GALNT14: variants seen among roughly 807,000 people sequenced by gnomAD.
The protein encoded by GALNT14 is UDP-GalNAc:polypeptide N-acetylgalactosaminyltransferase 14.
GALNT14 carries 60 observed loss-of-function variants against 77.5 expected under a neutral mutation model. The observed-to-expected ratio is 0.77, with a 90% CI of 0.63 to 0.96. The LOEUF (loss-of-function observed/expected upper bound fraction) is 0.96, where lower values mean the gene tolerates loss of function less well. GALNT14 is among the 40% of genes least tolerant of loss of function. The pLI is 0.00. For missense variants in GALNT14, 710 were observed against 731.0 expected (o/e 0.97, Z 0.33); for synonymous variants, 280 against 281.7 (o/e 0.99, Z 0.06).
chr2:31,013,928 G>A (rs1305665776), intron 1 of GALNT14, among the ~76,000 whole-genome samples: 2 of 152,172 alleles, frequency 1.3e-5, no homozygotes, highest in African/African-American at 4.8e-5. Flanking sequence ...TAAAAATAAC[G>A]ATTGTGCAGA....
chr2:31,092,297 C>T (rs976040833), intron 1 of GALNT14, among the ~76,000 whole-genome samples: 3 of 151,440 alleles, frequency 2.0e-5, no homozygotes, highest in African/African-American at 7.3e-5. Context: ...CCTATTAGTT[C>T]TGTCCCTTTA....
intron 1 of GALNT14, among the ~76,000 whole-genome samples, chr2:31,117,129 AT>A (rs1444552109): frequency 5.9e-5 from 9 of 152,218 alleles, no homozygotes; most frequent in African/African-American, 1.9e-4. Context: ...TTGGCCATTA[AT>A]AAAAACTTAA....
intron 2 of GALNT14, among the ~76,000 whole-genome samples, chr2:30,979,243 A>G (rs1392595766): frequency 1.3e-5 from 2 of 152,216 alleles, no homozygotes; most frequent in Non-Finnish European, 2.9e-5. Context: ...TGGCAGCAAG[A>G]TATCTCAGGG....
intron 3 of GALNT14, among the ~76,000 whole-genome samples, chr2:30,959,439 C>T (rs1279284697): frequency 6.6e-6 from 1 of 152,154 alleles, no homozygotes; most frequent in East Asian, 1.9e-4. Context: ...ACTATGTGCT[C>T]AGCACTGGGC....
the GALNT14 span, among the ~76,000 whole-genome samples, chr2:30,901,591 T>G: frequency 2.0e-5 from 3 of 151,828 alleles, no homozygotes; most frequent in African/African-American, 7.3e-5. Context: ...TGTGAGTATA[T>G]ATATATGTGT....
intron 1 of GALNT14, among the ~76,000 whole-genome samples, chr2:31,076,936 A>G (rs1204685399): frequency 1.3e-5 from 2 of 152,178 alleles, no homozygotes; most frequent in Non-Finnish European, 2.9e-5. Flanking sequence ...TGCCTTGTAC[A>G]AGTGCTGAAT....
At chr2:31,014,997 G>T (rs1671263286) in intron 1 of GALNT14, among the ~76,000 whole-genome samples, 1 of 152,102 alleles carries the variant, frequency 6.6e-6, no homozygotes, top group African/African-American at 2.4e-5. Flanking sequence ...GCTTTAAAGA[G>T]GCAGGAGCTT....
At chr2:31,057,541 G>A (rs1263084117) in intron 1 of GALNT14, among the ~76,000 whole-genome samples, 3 of 151,510 alleles carry the variant, frequency 2.0e-5, no homozygotes, top group African/African-American at 7.3e-5. Context: ...CTGGCTCTAG[G>A]ACCACATGAA....
chr2:31,009,275 TC>T (rs1278902717), intron 1 of GALNT14, among the ~76,000 whole-genome samples: 2 of 152,028 alleles, frequency 1.3e-5, no homozygotes, highest in East Asian at 3.9e-4. Context: ...ACATTCATCT[TC>T]CTTGGCCCTT....
chr2:30,963,240 C>T (rs1667799521), intron 3 of GALNT14, among the ~76,000 whole-genome samples: 1 of 152,186 alleles, frequency 6.6e-6, no homozygotes, highest in African/African-American at 2.4e-5. Context: ...GGCCTCAGGG[C>T]AGCCCTCCAA....
At chr2:30,932,445 C>T (rs1665796188) in intron 9 of GALNT14, among the ~76,000 whole-genome samples, 1 of 152,182 alleles carries the variant, frequency 6.6e-6, no homozygotes. Context: ...GGAGCATATT[C>T]AGGGGCCAGC....
chr2:31,111,847 CTTGT>C (rs2148626356), intron 1 of GALNT14, among the ~76,000 whole-genome samples: 1 of 152,070 alleles, frequency 6.6e-6, no homozygotes, highest in East Asian at 1.9e-4. Context: ...TTTACTACAT[CTTGT>C]TTGCTTCTTT....
intron 2 of GALNT14, among the ~76,000 whole-genome samples, chr2:30,986,674 G>T (rs12995417): frequency 0.16 from 24,590 of 152,220 alleles, 2,245 homozygotes; most frequent in Non-Finnish European, 0.21. Flanking sequence ...CATATGAACA[G>T]CAGAACTCCT....
chr2:30,949,154 G>A (rs1666877003), intron 6 of GALNT14, among the ~76,000 whole-genome samples: 1 of 152,152 alleles, frequency 6.6e-6, no homozygotes, highest in South Asian at 2.1e-4. Context: ...CCAAAGTCAG[G>A]ACACGACCTC....
chr2:30,925,800 T>C (rs1346884656), intron 11 of GALNT14, among the ~76,000 whole-genome samples: 1 of 151,688 alleles, frequency 6.6e-6, no homozygotes, highest in Non-Finnish European at 1.5e-5. Context: ...GGGCAAGAGG[T>C]GGTTTGTACT....
intron 1 of GALNT14, among the ~76,000 whole-genome samples, chr2:31,057,594 A>G (rs1396236715): frequency 2.0e-5 from 3 of 151,914 alleles, no homozygotes; most frequent in Admixed American, 2.0e-4. Context: ...AACAATGATC[A>G]GGTGCTTTAC....
intron 3 of GALNT14, among the ~76,000 whole-genome samples, chr2:30,962,818 G>C (rs1283923344): frequency 2.0e-5 from 3 of 152,204 alleles, no homozygotes; most frequent in Non-Finnish European, 4.4e-5. Flanking sequence ...AGGTACTTTA[G>C]AGAAGATCCC....
chr2:30,980,684 G>T (rs571152047), intron 2 of GALNT14, among the ~76,000 whole-genome samples: 16 of 152,332 alleles, frequency 1.1e-4, no homozygotes, highest in African/African-American at 3.8e-4. Context: ...ACGTTGCCTG[G>T]GTCTCAGCTT....
chr2:30,992,608 C>A (rs1177299016), intron 2 of GALNT14, among the ~76,000 whole-genome samples: 2 of 152,188 alleles, frequency 1.3e-5, no homozygotes, highest in Non-Finnish European at 2.9e-5. Context: ...GCCACCCCTG[C>A]CCCCAGCCTC....
Sources: allele counts gnomAD v4.1 joint callset (sites outside exome capture counted in the v4.1 genomes callset), GRCh38; gene constraint gnomAD v4.1.1; transcripts MANE v1.5; gene names NCBI Gene and HGNC (gene_info 2026-07-23, HGNC 2026-07-21).